ADAMTS17: variants seen among roughly 807,000 people sequenced by gnomAD.
ADAMTS17 encodes ADAM metallopeptidase with thrombospondin type 1 motif 17, also known as A disintegrin and metalloproteinase with thrombospondin motifs 17.
Under a neutral mutation model 141.5 loss-of-function variants are expected in ADAMTS17, and 113 were observed. The ratio of observed to expected loss-of-function variants is 0.80; its 90% confidence interval spans 0.69 to 0.93. ADAMTS17 has a LOEUF of 0.93. ADAMTS17 is among the 40% of genes least tolerant of loss of function. ADAMTS17 has a pLI of 0.00. For synonymous variants in ADAMTS17, 768 were observed against 630.6 expected, an observed-to-expected ratio of 1.22 and a Z score of -3.27; for missense variants, 1,659 against 1,517.9, an observed-to-expected ratio of 1.09 and a Z score of -1.54.
chr15:100,144,350 G>A (rs190633856), intron 10 of ADAMTS17, among the ~76,000 whole-genome samples: 16 of 152,258 alleles, frequency 1.1e-4, no homozygotes, highest in Admixed American at 4.6e-4. Flanking sequence ...TCAGGAGTCT[G>A]ACCAGCCTGG....
At chr15:100,279,643 A>C (rs11247180) in intron 4 of ADAMTS17, among the ~76,000 whole-genome samples, 1 of 152,212 alleles carries the variant, frequency 6.6e-6, no homozygotes, top group East Asian at 1.9e-4. Context: ...AGCAGACTGA[A>C]AGAGGTTCTT....
intron 12 of ADAMTS17, among the ~76,000 whole-genome samples, chr15:100,130,983 T>C (rs746902337): frequency 1.4e-4 from 21 of 152,012 alleles, no homozygotes; most frequent in Admixed American, 2.6e-4. Context: ...CCATCAATGA[T>C]AGACTGGATA....
chr15:100,076,294 C>T (rs1046588150), intron 15 of ADAMTS17, among the ~76,000 whole-genome samples: 12 of 152,118 alleles, frequency 7.9e-5, no homozygotes, highest in Non-Finnish European at 1.5e-4. Flanking sequence ...CCACCTGCCC[C>T]GGCCTCCCAA....
intron 12 of ADAMTS17, among the ~76,000 whole-genome samples, chr15:100,119,071 CAG>C (rs1240592407): frequency 6.6e-6 from 1 of 151,998 alleles, no homozygotes; most frequent in Admixed American, 6.5e-5. Flanking sequence ...CAGAGACAGG[CAG>C]AGAGACACAC....
intron 8 of ADAMTS17, among the ~76,000 whole-genome samples, chr15:100,159,786 C>T (rs2039604532): frequency 1.3e-5 from 2 of 152,210 alleles, no homozygotes. Context: ...ACTAGAGTCT[C>T]TACTTGGAAC....
chr15:100,340,754 G>A (rs369781388), intron 2 of ADAMTS17, among the ~76,000 whole-genome samples: 11 of 142,618 alleles, frequency 7.7e-5, no homozygotes, highest in East Asian at 2.1e-4. Context: ...CCAGATCTGC[G>A]CTCCCTAGAG....
In ADAMTS17 at chr15:99,995,100, G is replaced by A. The variant is rs1398851491; in HGVS notation, c.2797-1900C>T. ...CAGGAGCAGGGGTAGGAGGCTGATT[G>A]CAGTGGACTTTACATGCAGGAGCTT... On this transcript the variant is annotated intron_variant, in intron 19 of 21. Coordinates refer to ENST00000268070, the MANE Select transcript of ADAMTS17 (RefSeq NM_139057.4). Among the ~76,000 whole-genome samples the A allele has an allele frequency of 2.0e-5, 3 of 152,342 alleles. No homozygotes were observed. In the East Asian group the frequency reaches 5.8e-4, roughly 29 times the overall value.
Position 100,004,617 on chromosome 15 carries a change from CTTTTTTTTTTT to C in ADAMTS17, c.2592-7039_2592-7029del, listed in dbSNP as rs10591279. On this transcript the variant is annotated intron_variant, in intron 18 of 21. Coordinates refer to ENST00000268070, the MANE Select transcript of ADAMTS17 (RefSeq NM_139057.4). Reference sequence around the variant, plus strand: ...TTCTTAAAAGCATGATACTGTAATTCTTTTTTTTTTTTTTTTTTTTTTGAGTGGAGTCTCAC... The same window carrying C: ...TTCTTAAAAGCATGATACTGTAATTCTTTTTTTTTTTGAGTGGAGTCTCAC... 1.4e-3 allele frequency among the ~76,000 whole-genome samples: 166 copies of C among 116,240 alleles called. 1 individual carries two copies. The highest frequency in any genetic ancestry group is 1.8e-3 in the Non-Finnish European group (104 of 56,428). The allele number at this position is 116,240 out of a possible 152,430, so 76.3% of individuals were successfully genotyped here. A position where few individuals can be genotyped will look rare whatever the true frequency, so the allele number is the denominator to read the frequency against.
chr15:100,217,578 C>A (rs77227771), intron 7 of ADAMTS17, among the ~76,000 whole-genome samples: 1 of 152,066 alleles, frequency 6.6e-6, no homozygotes, highest in Non-Finnish European at 1.5e-5. Flanking sequence ...CAGCCTGGGG[C>A]GTCAGAGCAA....
intron 7 of ADAMTS17, among the ~76,000 whole-genome samples, chr15:100,208,845 G>A (rs1244268992): frequency 6.6e-6 from 1 of 152,152 alleles, no homozygotes; most frequent in Non-Finnish European, 1.5e-5. Context: ...ATATCCAAGG[G>A]TCATGAGTTG....
chr15:100,120,698 A>G (rs759015480), intron 12 of ADAMTS17, among the ~76,000 whole-genome samples: 3 of 152,264 alleles, frequency 2.0e-5, no homozygotes, highest in Non-Finnish European at 2.9e-5. Flanking sequence ...CCTGATCCAG[A>G]GATACCACTA....
At chr15:100,038,649 A>G (rs943925089) in intron 18 of ADAMTS17, among the ~76,000 whole-genome samples, 3 of 152,052 alleles carry the variant, frequency 2.0e-5, no homozygotes, top group Non-Finnish European at 2.9e-5. Context: ...AATACAATTG[A>G]TTTTTCCTTA....
intron 7 of ADAMTS17, among the ~76,000 whole-genome samples, chr15:100,241,584 C>T (rs967046981): frequency 6.6e-6 from 1 of 152,214 alleles, no homozygotes; most frequent in Non-Finnish European, 1.5e-5. Context: ...CTCAGCCAGT[C>T]GGCCAACGGA....
intron 8 of ADAMTS17, among the ~76,000 whole-genome samples, chr15:100,165,209 G>A (rs948217023): frequency 1.3e-5 from 2 of 152,164 alleles, no homozygotes; most frequent in Non-Finnish European, 2.9e-5. Context: ...GCTCCCACTT[G>A]ACAAAGACAG....
At chr15:100,022,417 A>C (rs1464998436) in intron 18 of ADAMTS17, among the ~76,000 whole-genome samples, 1 of 152,218 alleles carries the variant, frequency 6.6e-6, no homozygotes, top group Non-Finnish European at 1.5e-5. Flanking sequence ...CCAATAAAAC[A>C]ACCAGCAGTT....
intron 3 of ADAMTS17, among the ~76,000 whole-genome samples, chr15:100,312,742 A>G (rs1357279673): frequency 2.6e-5 from 4 of 152,178 alleles, no homozygotes; most frequent in Non-Finnish European, 5.9e-5. Flanking sequence ...TCCAAAACCA[A>G]GAGAGATTTT....
At chr15:100,068,249 A>G (rs1358120632) in intron 15 of ADAMTS17, among the ~76,000 whole-genome samples, 5 of 152,146 alleles carry the variant, frequency 3.3e-5, no homozygotes, top group Admixed American at 6.5e-5. Context: ...AAACAAAGCC[A>G]CCGGGAAGCT....
intron 12 of ADAMTS17, among the ~76,000 whole-genome samples, chr15:100,124,863 C>A (rs188309665): frequency 6.6e-6 from 1 of 152,240 alleles, no homozygotes; most frequent in African/African-American, 2.4e-5. Context: ...GTCCTCAGGG[C>A]CTTGATAGAC....
At chr15:100,141,406 C>G (rs2038644341) in intron 10 of ADAMTS17, among the ~76,000 whole-genome samples, 1 of 152,138 alleles carries the variant, frequency 6.6e-6, no homozygotes, top group African/African-American at 2.4e-5. Context: ...GGCTCTAACT[C>G]AAAATGATAC....
Sources: allele counts gnomAD v4.1 joint callset (sites outside exome capture counted in the v4.1 genomes callset), GRCh38; gene constraint gnomAD v4.1.1; transcripts MANE v1.5; gene names NCBI Gene and HGNC (gene_info 2026-07-23, HGNC 2026-07-21).